The following TVP23B variants were observed in gnomAD, a reference collection of about 807,000 sequenced individuals.
TVP23B encodes the protein Golgi apparatus membrane protein TVP23 homolog B.
Under a neutral mutation model 30.6 loss-of-function variants are expected in TVP23B, and 10 were observed. The observed-to-expected ratio is 0.33, with a 90% confidence interval of 0.20 to 0.55. TVP23B has a LOEUF of 0.55. Among genes scored for constraint, TVP23B ranks in the 20% least tolerant of loss-of-function variants. The pLI is 0.91. For synonymous variants in TVP23B, 67 were observed against 83.1 expected (o/e 0.81, Z 1.06); for missense variants, 153 against 243.2 (o/e 0.63, Z 2.47).
chr17:18,782,908 C>G (rs2035829947), intron 1 of TVP23B, among the ~76,000 whole-genome samples: 1 of 150,904 alleles, frequency 6.6e-6, no homozygotes, highest in African/African-American at 2.4e-5. Flanking sequence ...ACATCTCATC[C>G]TGTGATTTAG....
At chr17:18,790,203 G>A (rs1445285567) in intron 2 of TVP23B, among the ~76,000 whole-genome samples, 1 of 152,226 alleles carries the variant, frequency 6.6e-6, no homozygotes. Flanking sequence ...GATGGCTCAT[G>A]CCTGTAATCC....
intron 1 of TVP23B, among the ~76,000 whole-genome samples, chr17:18,784,323 C>T (rs2035867236): frequency 6.6e-6 from 1 of 152,146 alleles, no homozygotes; most frequent in African/African-American, 2.4e-5. Flanking sequence ...TGGAACTGCT[C>T]TTACTGAGTT....
At chr17:18,787,402 CAAAAA>C (rs565447334) in intron 1 of TVP23B, among the ~76,000 whole-genome samples, 1,609 of 90,036 alleles carry the variant, frequency 0.018, 39 homozygotes, top group African/African-American at 0.07. Context: ...GACTCTGTCT[CAAAAA>C]AAAAAAAAAA....
At chr17:18,798,751 A>C in intron 4 of TVP23B, 61 bp from the exon 5 acceptor site, 1 of 1,576,962 alleles carries the variant, frequency 6.3e-7, no homozygotes, top group Non-Finnish European at 8.6e-7. Context: ...TTTATTAAAC[A>C]TGTTGAACTT....
chr17:18,796,006 G>A (rs1032629719), intron 3 of TVP23B: 9 of 149,258 alleles, frequency 6.0e-5, no homozygotes, highest in South Asian at 2.1e-4. Context: ...AGATAAGGGA[G>A]GACTACTATA....
intron 1 of TVP23B, among the ~76,000 whole-genome samples, chr17:18,785,491 G>A (rs947577167): frequency 6.6e-6 from 1 of 151,650 alleles, no homozygotes; most frequent in Non-Finnish European, 1.5e-5. Context: ...CTTTCAAAGA[G>A]CAGGGTAAGA....
chr17:18,796,615 A>C (rs1245946698), intron 3 of TVP23B: 4 of 151,954 alleles, frequency 2.6e-5, no homozygotes, highest in African/African-American at 9.7e-5. Context: ...AATATAGTAC[A>C]AAATAAAAAA....
At chr17:18,781,565 G>T in intron 1 of TVP23B, 1 of 524,518 alleles carries the variant, frequency 1.9e-6, no homozygotes, top group Non-Finnish European at 3.2e-6. Flanking sequence ...CAGCGCGAGT[G>T]GGGGTCTCTC....
rs10886 is a variant in TVP23B, at chr17:18,806,265, A to G, written c.*698A>G. On this transcript the variant is annotated 3_prime_UTR_variant, in exon 7 of 7. Transcript: ENST00000307767. Reference sequence around the variant, plus strand: ...CTGTTCTATTTATTTTACAGAAAGGATAGCTAGATTGAAAGCTCTTCAGTG... The same window carrying G: ...CTGTTCTATTTATTTTACAGAAAGGGTAGCTAGATTGAAAGCTCTTCAGTG... The G allele has an allele frequency of 0.49, 469,194 of 967,098 alleles. 114,675 individuals are homozygous for G. Among genetic ancestry groups the G allele is most frequent in the Non-Finnish European group, 0.5 (403,614 of 813,382 alleles). The allele number at this position is 967,098 out of a possible 1,614,324, so 59.9% of individuals were successfully genotyped here.
At chr17:18,789,495 C>T in intron 2 of TVP23B, 60 bp downstream of exon 2, 1 of 1,608,066 alleles carries the variant, frequency 6.2e-7, no homozygotes, top group Non-Finnish European at 8.5e-7. Context: ...GTATGTATGT[C>T]AGTGCTAGCT....
chr17:18,784,362 T>C (rs536325822), intron 1 of TVP23B, among the ~76,000 whole-genome samples: 1 of 152,118 alleles, frequency 6.6e-6, no homozygotes, highest in African/African-American at 2.4e-5. Flanking sequence ...AATACAGTGG[T>C]CATGGCTGGG....
At chr17:18,781,561 G>C (rs1322373272) in intron 1 of TVP23B, 9 of 531,006 alleles carry the variant, frequency 1.7e-5, no homozygotes, top group Non-Finnish European at 2.9e-5. Context: ...TAACCAGCGC[G>C]AGTGGGGGTC....
chr17:18,797,400 C>T, intron 3 of TVP23B, 179 bp from the exon 4 acceptor site: 3 of 1,261,544 alleles, frequency 2.4e-6, no homozygotes, highest in Non-Finnish European at 3.3e-6. Context: ...TTAGTCCTGC[C>T]ATTACCATTT....
At position 18,790,458 on chromosome 17, in the gene TVP23B, C is replaced by T. The variant is rs1325197342; in HGVS notation, c.96-438C>T. The stretch of plus-strand genomic sequence containing the variant: ...CAGCCTGGGCGACGGAGCGAGACTC[C>T]GTCTCAAAAAAAAAAAAAAAAGAAA... On this transcript the variant is annotated intron_variant, in intron 2 of 6. Transcript: ENST00000307767. 1.8e-4 allele frequency among the ~76,000 whole-genome samples: 16 copies of T among 91,268 alleles called. No individual in the cohort carries two copies. In the South Asian group the frequency reaches 2.0e-3, roughly 11 times the overall value. The allele number at this position is 91,268 out of a possible 152,430, so 59.9% of individuals were successfully genotyped here.
chr17:18,800,476 T>C (rs2036143162), intron 5 of TVP23B, among the ~76,000 whole-genome samples: 1 of 152,204 alleles, frequency 6.6e-6, no homozygotes, highest in South Asian at 2.1e-4. Flanking sequence ...TATGAGCCTA[T>C]TGACTATTCT....
At position 18,804,070 on chromosome 17, in the gene TVP23B, T is replaced by G. The variant is rs1277888244; in HGVS notation, c.463-68T>G. On this transcript the variant is annotated intron_variant, in intron 5 of 6. Transcript: ENST00000307767. Reference sequence around the variant, plus strand: ...CTTTCTCATGACAGTCTGCCTTGTCTCATTTATGGCACAGAGAAAGGTCAA... The same window carrying G: ...CTTTCTCATGACAGTCTGCCTTGTCGCATTTATGGCACAGAGAAAGGTCAA... The G allele has an allele frequency of 1.1e-5, 16 of 1,488,478 alleles. No homozygotes were observed. In the South Asian group the frequency reaches 1.7e-4, roughly 16 times the overall value. The allele number at this position is 1,488,478 out of a possible 1,614,324, so 92.2% of individuals were successfully genotyped here. A position where few individuals can be genotyped will look rare whatever the true frequency, so the allele number is the denominator to read the frequency against.
chr17:18,797,091 G>A (rs1321697106), intron 3 of TVP23B: 2 of 170,152 alleles, frequency 1.2e-5, no homozygotes, highest in Non-Finnish European at 2.6e-5. Flanking sequence ...GTAAATATTT[G>A]TTGAGTAAAT....
intron 1 of TVP23B, among the ~76,000 whole-genome samples, chr17:18,783,094 TTG>T (rs201639712): frequency 0.022 from 2,552 of 114,876 alleles, 551 homozygotes; most frequent in African/African-American, 0.069. Context: ...TATTTATTGA[TTG>T]ATTGATTGAT....
intron 1 of TVP23B, among the ~76,000 whole-genome samples, chr17:18,783,545 C>T (rs531602949): frequency 6.6e-6 from 1 of 152,318 alleles, no homozygotes; most frequent in East Asian, 1.9e-4. Context: ...AACGTTTCTT[C>T]TCTTATCCTC....
Sources: gnomAD v4.1 joint callset for allele counts (sites outside exome capture counted in the v4.1 genomes callset) on GRCh38, gnomAD v4.1.1 for gene constraint, MANE v1.5 for transcripts, NCBI Gene and HGNC (gene_info 2026-07-23, HGNC 2026-07-21) for gene names.